Variants in BBX observed in about 807,000 individuals in gnomAD.
The protein encoded by BBX is HMG box transcription factor BBX.
A neutral mutation model predicts 100.2 loss-of-function variants in BBX; 30 were observed. The ratio of observed to expected loss-of-function variants is 0.30; its 90% CI spans 0.22 to 0.41. BBX has a LOEUF of 0.41. BBX is among the 10% of genes least tolerant of loss of function. The pLI, the probability that BBX is intolerant of heterozygous loss-of-function variation, is 1.00. For missense variants in BBX, 1,023 were observed against 1,129.8 expected, an observed-to-expected ratio of 0.91 and a Z score of 1.35; for synonymous variants, 376 against 388.1, an observed-to-expected ratio of 0.97 and a Z score of 0.37.
At chr3:107,637,596 A>T (rs1325364489) in intron 2 of BBX, among the ~76,000 whole-genome samples, 1 of 152,178 alleles carries the variant, frequency 6.6e-6, no homozygotes. Flanking sequence ...AGTGGCTTCA[A>T]ACTCTTATCT....
intron 9 of BBX, among the ~76,000 whole-genome samples, chr3:107,749,076 G>A (rs902912766): frequency 6.6e-6 from 1 of 151,960 alleles, no homozygotes; most frequent in African/African-American, 2.4e-5. Flanking sequence ...GCCTGCTTAT[G>A]TATTAGGCTT....
At chr3:107,543,589 C>G (rs191569583) in intron 2 of BBX, among the ~76,000 whole-genome samples, 20 of 152,314 alleles carry the variant, frequency 1.3e-4, no homozygotes, top group Admixed American at 1.3e-3. Context: ...TACGTGGCTT[C>G]AGTTTAGTTC....
At chr3:107,640,004 A>G (rs891700194) in intron 2 of BBX, among the ~76,000 whole-genome samples, 2 of 152,204 alleles carry the variant, frequency 1.3e-5, no homozygotes, top group East Asian at 1.9e-4. Flanking sequence ...TTTTATCTCT[A>G]ATGAGATTAC....
intron 2 of BBX, among the ~76,000 whole-genome samples, chr3:107,618,397 A>G (rs1397420851): frequency 6.6e-6 from 1 of 151,858 alleles, no homozygotes; most frequent in African/African-American, 2.4e-5. Context: ...TCTGTTTTCA[A>G]TTTTACTGAT....
In BBX at chr3:107,778,340, G is replaced by T. The variant is rs182724437; in HGVS notation, c.2055-31G>T. 134 of 1,611,640 alleles carry T rather than the reference G, an allele frequency of 8.3e-5. 1 individual carries two copies. In the East Asian group the frequency reaches 2.8e-3, roughly 33 times the overall value. On this transcript the variant is annotated intron_variant, in intron 12 of 17. Transcript: ENST00000325805. ...CTTTCTGTGTCATATTTGGTCATGT[G>T]CTGATTGATTCCCCTCTCCCCTTTT...
At chr3:107,761,003 T>C (rs1441965065) in intron 10 of BBX, among the ~76,000 whole-genome samples, 1 of 152,220 alleles carries the variant, frequency 6.6e-6, no homozygotes, top group Non-Finnish European at 1.5e-5. Flanking sequence ...TGGATGCTTG[T>C]TCTCCAAATG....
At chr3:107,719,864 GA>G (rs2107416765) in intron 5 of BBX, among the ~76,000 whole-genome samples, 1 of 152,068 alleles carries the variant, frequency 6.6e-6, no homozygotes, top group South Asian at 2.1e-4. Flanking sequence ...AATACTGCTG[GA>G]ACCTTCTATT....
At chr3:107,666,838 G>A (rs978061861) in intron 3 of BBX, among the ~76,000 whole-genome samples, 15 of 152,118 alleles carry the variant, frequency 9.9e-5, no homozygotes, top group African/African-American at 3.6e-4. Flanking sequence ...CCAAAGTGCT[G>A]GGATTACAGG....
At chr3:107,764,605 G>A (rs765518449) in intron 10 of BBX, among the ~76,000 whole-genome samples, 3 of 152,114 alleles carry the variant, frequency 2.0e-5, no homozygotes, top group Admixed American at 6.5e-5. Flanking sequence ...ATGCAGTCAC[G>A]GGAATTCCAT....
At chr3:107,697,145 G>A (rs923351269) in intron 3 of BBX, among the ~76,000 whole-genome samples, 1 of 151,718 alleles carries the variant, frequency 6.6e-6, no homozygotes, top group African/African-American at 2.4e-5. Flanking sequence ...TGGTGTGAAT[G>A]TCCTCCCGTA....
chr3:107,663,947 A>G (rs2107875524), intron 3 of BBX, among the ~76,000 whole-genome samples: 1 of 151,876 alleles, frequency 6.6e-6, no homozygotes, highest in East Asian at 2.0e-4. Flanking sequence ...TTGGGACTAC[A>G]GGCACCTGCC....
At chr3:107,596,911 T>C (rs1265872164) in intron 2 of BBX, among the ~76,000 whole-genome samples, 1 of 152,220 alleles carries the variant, frequency 6.6e-6, no homozygotes, top group Non-Finnish European at 1.5e-5. Context: ...TTTTTCACTC[T>C]GTAATGGCAC....
At chr3:107,616,127 T>A (rs2055258616) in intron 2 of BBX, among the ~76,000 whole-genome samples, 1 of 147,590 alleles carries the variant, frequency 6.8e-6, no homozygotes, top group Non-Finnish European at 1.5e-5. Context: ...TTATCAGAAA[T>A]ACAGGTTGAG....
intron 2 of BBX, among the ~76,000 whole-genome samples, chr3:107,566,879 TA>T (rs2107500747): frequency 6.6e-6 from 1 of 152,246 alleles, no homozygotes; most frequent in South Asian, 2.1e-4. Flanking sequence ...ATAATTCATT[TA>T]TTTTTAAACT....
intron 7 of BBX, among the ~76,000 whole-genome samples, chr3:107,743,636 A>G (rs2064299856): frequency 6.6e-6 from 1 of 152,210 alleles, no homozygotes; most frequent in African/African-American, 2.4e-5. Flanking sequence ...AGGGTCAGTG[A>G]GAAACTGTTT....
chr3:107,760,632 T>G (rs544355357), intron 10 of BBX, among the ~76,000 whole-genome samples: 1 of 152,218 alleles, frequency 6.6e-6, no homozygotes, highest in Non-Finnish European at 1.5e-5. Context: ...GAGTGATGAG[T>G]GACACACAAA....
At chr3:107,765,457 A>C (rs370060407) in intron 10 of BBX, among the ~76,000 whole-genome samples, 1 of 143,726 alleles carries the variant, frequency 7.0e-6, no homozygotes, top group Non-Finnish European at 1.6e-5. Context: ...GTGGGTGTGT[A>C]TGTGTGTGTG....
At chr3:107,752,483 C>T (rs1222059614) in intron 9 of BBX, among the ~76,000 whole-genome samples, 2 of 152,108 alleles carry the variant, frequency 1.3e-5, no homozygotes, top group Non-Finnish European at 2.9e-5. Context: ...CATTTTCTCC[C>T]AAGCTACAAT....
At chr3:107,646,033 T>C (rs1364342554) in intron 3 of BBX, 124 bp downstream of exon 3, 4 of 152,572 alleles carry the variant, frequency 2.6e-5, no homozygotes, top group African/African-American at 9.6e-5. Flanking sequence ...GATATTTTTT[T>C]CTTGTCAATT....
Sources: gnomAD v4.1 joint callset for allele counts (sites outside exome capture counted in the v4.1 genomes callset) on GRCh38, gnomAD v4.1.1 for gene constraint, MANE v1.5 for transcripts, NCBI Gene and HGNC (gene_info 2026-07-23, HGNC 2026-07-21) for gene names.